Variants in RFX1 observed in about 807,000 individuals in gnomAD.
RFX1 encodes MHC class II regulatory factor RFX1.
A neutral mutation model predicts 119.6 loss-of-function variants in RFX1; 42 were observed. That is an observed-to-expected ratio of 0.35 (90% CI 0.27 to 0.45). The LOEUF (loss-of-function observed/expected upper bound fraction) is 0.45. Ranked by LOEUF, RFX1 falls within the 20% of genes least tolerant of loss-of-function variation. RFX1 has a pLI of 1.00. For missense variants in RFX1, 1,118 were observed against 1,368.1 expected (o/e 0.82, Z 2.88); for synonymous variants, 628 against 618.5 (o/e 1.02, Z -0.23).
In RFX1 at chr19:13,980,535, A is replaced by C. The variant is rs1599494386; in HGVS notation, c.738+38T>G. The stretch of plus-strand genomic sequence containing the variant: ...GGGCTGCAGAGGCTGCCTGGCCGGT[A>C]CCCCTGGACCGAGCCACTGCCCGCC... On this transcript the variant is annotated intron_variant, in intron 6 of 20. Transcript: ENST00000254325. The surrounding 1 kb of genome is among the most constrained non-coding windows in gnomAD (Gnocchi z 5.1). 7.5e-7 allele frequency: 1 copy of C among 1,333,378 alleles called. No individual in the cohort carries two copies. The highest frequency in any genetic ancestry group is 1.0e-6 in the Non-Finnish European group (1 of 966,192). The allele number at this position is 1,333,378 out of a possible 1,614,324, so 82.6% of individuals were successfully genotyped here.
chr19:13,966,238 G>A lies in RFX1; in HGVS notation c.1961+183C>T, dbSNP rs1973892731. Among the ~76,000 whole-genome samples, 1 of 152,154 alleles carries A rather than the reference G, an allele frequency of 6.6e-6. No homozygotes were observed. Among genetic ancestry groups the A allele is most frequent in the African/African-American group, 2.4e-5 (1 of 41,432 alleles). On this transcript the variant is annotated intron_variant, in intron 14 of 20. Coordinates refer to ENST00000254325, the MANE Select transcript of RFX1 (RefSeq NM_002918.5). The surrounding 1 kb of genome is among the most constrained non-coding windows in gnomAD (Gnocchi z 6.3). ...GTGCCCTGCCCCATGCCTGGGCTTA[G>A]TCAGGCACTCCACCCCCGACTGTTG...
At chr19:13,970,346 T>C (rs778829144) in intron 9 of RFX1, among the ~76,000 whole-genome samples, 171 bp from the exon 10 acceptor site, 1 of 152,088 alleles carries the variant, frequency 6.6e-6, no homozygotes, top group South Asian at 2.1e-4. Context: ...CACAGAACTC[T>C]AGAACTGCAC....
Position 13,969,729 on chromosome 19 carries a change from T to A in RFX1, c.1496+265A>T. 1 of 384,880 alleles carries A rather than the reference T, an allele frequency of 2.6e-6. No homozygotes were observed. The highest frequency in any genetic ancestry group is 4.6e-6 in the Non-Finnish European group (1 of 219,290). The allele number at this position is 384,880 out of a possible 1,614,324, so 23.8% of individuals were successfully genotyped here. A position where few individuals can be genotyped will look rare whatever the true frequency, so the allele number is the denominator to read the frequency against. ...AGAAAAATAAAGCAGGGTTGGGGGG[T>A]GTCGGGCAGGGGAGAGGGGGAGGCT... On this transcript the variant is annotated intron_variant, in intron 10 of 20. Transcript: ENST00000254325. This position sits in a 1 kb window ranked among gnomAD's most constrained non-coding sequence, Gnocchi z 4.5.
At chr19:13,998,419 G>A (rs939122723) in intron 1 of RFX1, 4 of 152,182 alleles carry the variant, frequency 2.6e-5, no homozygotes, top group South Asian at 2.1e-4. Flanking sequence ...AGGAGGCAGA[G>A]GGTGCAGTGA....
At chr19:13,973,457 T>A (rs369414209) in intron 8 of RFX1, among the ~76,000 whole-genome samples, 1 of 151,922 alleles carries the variant, frequency 6.6e-6, no homozygotes, top group South Asian at 2.1e-4. Context: ...ACAAAAAATA[T>A]GAAGATTAGC....
chr19:14,000,826 G>A (rs1190282073), intron 1 of RFX1, among the ~76,000 whole-genome samples: 1 of 152,080 alleles, frequency 6.6e-6, no homozygotes, highest in African/African-American at 2.4e-5. Context: ...CAGGCATGGC[G>A]GCTCACGCCT....
intron 1 of RFX1, among the ~76,000 whole-genome samples, chr19:13,996,768 G>A (rs1361218903): frequency 1.4e-5 from 2 of 148,144 alleles, no homozygotes; most frequent in Non-Finnish European, 3.0e-5. Flanking sequence ...TGTCATCCAG[G>A]CTGGAGTGCA....
Position 13,966,332 on chromosome 19 carries a change from G to T in RFX1, c.1961+89C>A. 1 of 781,150 alleles carries T rather than the reference G, an allele frequency of 1.3e-6. No homozygotes were observed. Among genetic ancestry groups the T allele is most frequent in the Non-Finnish European group, 2.2e-6 (1 of 459,278 alleles). The allele number at this position is 781,150 out of a possible 1,614,324, so 48.4% of individuals were successfully genotyped here. A position where few individuals can be genotyped will look rare whatever the true frequency, so the allele number is the denominator to read the frequency against. On this transcript the variant is annotated intron_variant, in intron 14 of 20. Transcript: ENST00000254325. This position sits in a 1 kb window ranked among gnomAD's most constrained non-coding sequence, Gnocchi z 6.3. ...GTACCCCACAAACTGCAGGGGACAAGCAGGTGCCCCAACCCTGGCCATCAA... is the reference window on the plus strand; with the variant it reads ...GTACCCCACAAACTGCAGGGGACAATCAGGTGCCCCAACCCTGGCCATCAA...
chr19:13,997,880 G>GA (rs1462034317), intron 1 of RFX1, among the ~76,000 whole-genome samples: 1 of 152,110 alleles, frequency 6.6e-6, no homozygotes, highest in Non-Finnish European at 1.5e-5. Flanking sequence ...CCGTGAGAGG[G>GA]AAAAGGCTGC....
chr19:13,994,717 A>ATGTG lies in RFX1; in HGVS notation c.-52-823_-52-822insCACA, dbSNP rs1363917481. 4.2e-3 allele frequency among the ~76,000 whole-genome samples: 452 copies of ATGTG among 108,360 alleles called. 1 individual carries two copies. Among genetic ancestry groups the ATGTG allele is most frequent in the African/African-American group, 0.014 (416 of 28,834 alleles). 71.1% of individuals were successfully genotyped at this position (108,360 alleles called of 152,430 possible). On this transcript the variant is annotated intron_variant, in intron 1 of 20. Transcript: ENST00000254325. ...GAGACCCAAGACTCTGTCTAAATAT[A>ATGTG]TATGTGTGTGTGTGTGTGTGTGTGT... is the stretch of plus-strand genomic sequence containing the variant.
intron 7 of RFX1, 111 bp from the exon 8 acceptor site, chr19:13,978,197 C>T (rs1041353820): frequency 4.2e-6 from 3 of 718,750 alleles, no homozygotes; most frequent in Non-Finnish European, 7.0e-6. Flanking sequence ...GCTCCCGGAC[C>T]CAAGGGTGGC....
intron 2 of RFX1, among the ~76,000 whole-genome samples, chr19:13,991,348 G>A (rs1039732657): frequency 6.6e-6 from 1 of 152,214 alleles, no homozygotes; most frequent in Admixed American, 6.5e-5. Context: ...AAATGCTGCA[G>A]GATTTCTGAG....
chr19:13,970,565 T>C (rs1022976127), intron 9 of RFX1, among the ~76,000 whole-genome samples: 1 of 143,074 alleles, frequency 7.0e-6, no homozygotes, highest in Non-Finnish European at 1.5e-5. Flanking sequence ...TTTGGGAGGC[T>C]GAGGCAAGAG....
At chr19:14,005,484 A>C (rs936267754) in intron 1 of RFX1, among the ~76,000 whole-genome samples, 2 of 152,224 alleles carry the variant, frequency 1.3e-5, no homozygotes, top group Non-Finnish European at 2.9e-5. Context: ...CGTAAGTAAA[A>C]TTCCTGGAAG....
chr19:13,999,676 T>G lies in RFX1; in HGVS notation c.-52-5781A>C, dbSNP rs547393464. On this transcript the variant is annotated intron_variant, in intron 1 of 20. Coordinates refer to ENST00000254325, the MANE Select transcript of RFX1 (RefSeq NM_002918.5). Reference sequence around the variant, plus strand: ...TTTGTTGAACCCTGTGTTTTTTTTTTGTTTTTTTTTGTTTTTGAGGCAAAG... The same window carrying G: ...TTTGTTGAACCCTGTGTTTTTTTTTGGTTTTTTTTTGTTTTTGAGGCAAAG... 5.8e-3 allele frequency among the ~76,000 whole-genome samples: 877 copies of G among 150,484 alleles called. 14 individuals carry two copies. The highest frequency in any genetic ancestry group is 0.021 in the African/African-American group (822 of 39,986).
intron 1 of RFX1, among the ~76,000 whole-genome samples, chr19:13,994,931 T>TATAAAA (rs1461364390): frequency 4.4e-5 from 5 of 114,590 alleles, no homozygotes; most frequent in African/African-American, 1.7e-4. Context: ...TATATATATA[T>TATAAAA]ATATATAATC....
In RFX1 at chr19:13,962,635, C is replaced by A. The variant is rs1973730986; in HGVS notation, c.*60G>T. The A allele has an allele frequency of 8.1e-7, 1 of 1,236,412 alleles. No individual in the cohort carries two copies. The allele number at this position is 1,236,412 out of a possible 1,614,324, so 76.6% of individuals were successfully genotyped here. On this transcript the variant is annotated 3_prime_UTR_variant, in exon 21 of 21. Coordinates refer to ENST00000254325, the MANE Select transcript of RFX1 (RefSeq NM_002918.5). ...AGCAGTGACCACGAAGCCACAGAAG[C>A]TTTGAGGGACCCTGGCGTGGAGGGG... is the stretch of plus-strand genomic sequence containing the variant.
In RFX1 at chr19:13,966,876, G is replaced by T. The variant is rs1973920533; in HGVS notation, c.1733-125C>A. 3.1e-6 allele frequency: 2 copies of T among 638,630 alleles called. No homozygotes were observed. Among genetic ancestry groups the T allele is most frequent in the East Asian group, 2.9e-5 (1 of 35,028 alleles). The allele number at this position is 638,630 out of a possible 1,614,324, so 39.6% of individuals were successfully genotyped here. On this transcript the variant is annotated intron_variant, in intron 12 of 20. Transcript: ENST00000254325. The surrounding 1 kb of genome is among the most constrained non-coding windows in gnomAD (Gnocchi z 6.3). ...ATGTGCCGGTGAGACAACGCTAGGT[G>T]GGGTGAGCGCCTGGCCCGGGCCCAG...
chr19:13,985,333 C>T lies in RFX1; in HGVS notation c.320-1738G>A, dbSNP rs553862266. On this transcript the variant is annotated intron_variant, in intron 2 of 20. Coordinates refer to ENST00000254325, the MANE Select transcript of RFX1 (RefSeq NM_002918.5). This position sits in a 1 kb window ranked among gnomAD's most constrained non-coding sequence, Gnocchi z 4.3. Reference sequence around the variant, plus strand: ...CTAGGACTGCAGGCACCCGCCACCACGCCCAGCTAATTTTTGTGGTTTTAG... The same window carrying T: ...CTAGGACTGCAGGCACCCGCCACCATGCCCAGCTAATTTTTGTGGTTTTAG... Among the ~76,000 whole-genome samples, 218 of 152,280 alleles carry T rather than the reference C, an allele frequency of 1.4e-3. 2 individuals carry two copies. The highest frequency in any genetic ancestry group is 4.8e-3 in the African/African-American group (200 of 41,568).
Sources: gnomAD v4.1 joint callset for allele counts (sites outside exome capture counted in the v4.1 genomes callset) on GRCh38, gnomAD v4.1.1 for gene constraint, Gnocchi (gnomAD v3.1) non-coding constraint, MANE v1.5 for transcripts, NCBI Gene and HGNC (gene_info 2026-07-23, HGNC 2026-07-21) for gene names.